The following PDZRN4 variants were observed in gnomAD, a reference collection of about 807,000 sequenced individuals.
PDZRN4 encodes PDZ domain-containing RING finger protein 4.
In PDZRN4, 70 loss-of-function variants were observed where a neutral mutation model predicts 99.0. That is an observed-to-expected ratio of 0.71 (90% CI 0.58 to 0.86). The LOEUF (loss-of-function observed/expected upper bound fraction) is 0.86, where lower values mean the gene tolerates loss of function less well. Ranked by LOEUF, PDZRN4 falls within the 40% of genes least tolerant of loss-of-function variation. The pLI, the probability that PDZRN4 is intolerant of heterozygous loss-of-function variation, is 0.00. For missense variants in PDZRN4, 1,474 were observed against 1,331.2 expected (o/e 1.11, Z -1.67); for synonymous variants, 551 against 501.6 (o/e 1.10, Z -1.32).
chr12:41,377,209 G>C (rs1444669010), intron 3 of PDZRN4, among the ~76,000 whole-genome samples: 12 of 152,000 alleles, frequency 7.9e-5, no homozygotes, highest in Admixed American at 7.9e-4. Context: ...TCTACTATTA[G>C]GGGTCTTCTG....
intron 9 of PDZRN4, among the ~76,000 whole-genome samples, chr12:41,570,646 TA>T (rs2120856653): frequency 6.6e-6 from 1 of 152,260 alleles, no homozygotes; most frequent in South Asian, 2.1e-4. Flanking sequence ...TAGAAAAATA[TA>T]ATTATAAATA....
intron 3 of PDZRN4, among the ~76,000 whole-genome samples, chr12:41,380,520 T>C (rs981757976): frequency 1.3e-5 from 2 of 152,050 alleles, no homozygotes; most frequent in African/African-American, 2.4e-5. Flanking sequence ...ATTTCCTTTA[T>C]AGTTAATATA....
chr12:41,395,568 T>C (rs1225304731), intron 3 of PDZRN4, among the ~76,000 whole-genome samples: 1 of 152,160 alleles, frequency 6.6e-6, no homozygotes, highest in Non-Finnish European at 1.5e-5. Context: ...TTTTGTGTTA[T>C]CTTTGCTTTT....
chr12:41,389,426 G>A (rs1409193712), intron 3 of PDZRN4, among the ~76,000 whole-genome samples: 2 of 152,072 alleles, frequency 1.3e-5, no homozygotes, highest in African/African-American at 4.8e-5. Context: ...TGCCATTCCA[G>A]AATTTATAAA....
intron 3 of PDZRN4, among the ~76,000 whole-genome samples, chr12:41,308,730 C>T (rs913673249): frequency 2.0e-5 from 3 of 152,102 alleles, no homozygotes; most frequent in Non-Finnish European, 4.4e-5. Context: ...AGAGCATGTA[C>T]TTATATTTGA....
intron 3 of PDZRN4, among the ~76,000 whole-genome samples, chr12:41,277,075 C>T (rs935317122): frequency 6.6e-6 from 1 of 152,172 alleles, no homozygotes. Flanking sequence ...AAGAGATTCA[C>T]TTCTAGCAAC....
chr12:41,245,510 A>AAT (rs1176928829), intron 3 of PDZRN4, among the ~76,000 whole-genome samples: 2 of 152,156 alleles, frequency 1.3e-5, no homozygotes, highest in African/African-American at 4.8e-5. Context: ...TATACACTGA[A>AAT]ATATATATGG....
intron 3 of PDZRN4, among the ~76,000 whole-genome samples, chr12:41,497,563 T>C (rs1938031902): frequency 6.6e-6 from 1 of 152,086 alleles, no homozygotes; most frequent in Admixed American, 6.6e-5. Context: ...CTCCAAAGAT[T>C]TGAGTCATTT....
intron 3 of PDZRN4, among the ~76,000 whole-genome samples, chr12:41,487,494 A>G (rs1195993240): frequency 6.6e-6 from 1 of 152,144 alleles, no homozygotes; most frequent in African/African-American, 2.4e-5. Flanking sequence ...CTCTAAATAG[A>G]ATAGAAGTTG....
chr12:41,191,902 C>G (rs1353879550), intron 2 of PDZRN4, among the ~76,000 whole-genome samples: 1 of 151,946 alleles, frequency 6.6e-6, no homozygotes, highest in Non-Finnish European at 1.5e-5. Flanking sequence ...CCTGCCTCAG[C>G]CTCCCAAATA....
At chr12:41,292,295 C>G (rs10879971) in intron 3 of PDZRN4, among the ~76,000 whole-genome samples, 12 of 152,028 alleles carry the variant, frequency 7.9e-5, no homozygotes, top group African/African-American at 2.7e-4. Context: ...GGGGAGAATA[C>G]CGTTCCAGAT....
chr12:41,446,791 C>T (rs1002243817), intron 3 of PDZRN4, among the ~76,000 whole-genome samples: 2 of 150,908 alleles, frequency 1.3e-5, no homozygotes, highest in Non-Finnish European at 3.0e-5. Context: ...TAAGAAACTT[C>T]ATGGAACAGC....
chr12:41,297,681 G>A (rs1951505182), intron 3 of PDZRN4, among the ~76,000 whole-genome samples: 1 of 152,130 alleles, frequency 6.6e-6, no homozygotes, highest in Admixed American at 6.6e-5. Context: ...TCAGTGGAAA[G>A]GGGAGAATCT....
intron 3 of PDZRN4, among the ~76,000 whole-genome samples, chr12:41,227,233 T>A: frequency 6.6e-6 from 1 of 152,304 alleles, no homozygotes. Context: ...TCAGAAGTAA[T>A]TCTGATTAAG....
intron 5 of PDZRN4, among the ~76,000 whole-genome samples, chr12:41,549,899 T>C (rs1468233824): frequency 2.0e-5 from 3 of 152,088 alleles, no homozygotes; most frequent in African/African-American, 7.2e-5. Flanking sequence ...GTTGAGTGTC[T>C]TACAAAGGGG....
At chr12:41,265,999 G>A (rs1951273788) in intron 3 of PDZRN4, among the ~76,000 whole-genome samples, 1 of 152,104 alleles carries the variant, frequency 6.6e-6, no homozygotes, top group East Asian at 1.9e-4. Context: ...ACCCAGTGTT[G>A]CTTCGTTCAT....
intron 3 of PDZRN4, among the ~76,000 whole-genome samples, chr12:41,317,182 C>G (rs1951645041): frequency 6.6e-6 from 1 of 150,574 alleles, no homozygotes; most frequent in Non-Finnish European, 1.5e-5. Flanking sequence ...AGGTAAACAT[C>G]TATCTACCTA....
At chr12:41,448,351 C>G (rs187444050) in intron 3 of PDZRN4, among the ~76,000 whole-genome samples, 1 of 152,136 alleles carries the variant, frequency 6.6e-6, no homozygotes, top group Admixed American at 6.6e-5. Context: ...TTCCTCACCC[C>G]TATTCTGGTA....
chr12:41,552,826 G>A, intron 6 of PDZRN4, 72 bp downstream of exon 6: 1 of 1,181,878 alleles, frequency 8.5e-7, no homozygotes, highest in Non-Finnish European at 1.3e-6. Context: ...CTCACAATGA[G>A]AAAACCCTTC....
Sources: gnomAD v4.1 joint callset for allele counts (sites outside exome capture counted in the v4.1 genomes callset) on GRCh38, gnomAD v4.1.1 for gene constraint, MANE v1.5 for transcripts, NCBI Gene and HGNC (gene_info 2026-07-23, HGNC 2026-07-21) for gene names.